The following AP1G1 variants were observed in gnomAD, a reference collection of about 807,000 sequenced individuals.
AP1G1 encodes adaptor related protein complex 1 subunit gamma 1, also known as AP-1 complex subunit gamma-1.
In AP1G1, 7 loss-of-function variants were observed where a neutral mutation model predicts 108.3. The ratio of observed to expected loss-of-function variants is 0.06; its 90% CI spans 0.04 to 0.12. AP1G1 has a LOEUF of 0.12. AP1G1 is among the 10% of genes least tolerant of loss of function. The pLI is 1.00. For missense variants in AP1G1, 756 were observed against 1,010.7 expected (o/e 0.75, Z 3.42); for synonymous variants, 379 against 353.5 (o/e 1.07, Z -0.81).
chr16:71,794,584 T>C (rs1388863053), intron 1 of AP1G1, among the ~76,000 whole-genome samples: 1 of 152,076 alleles, frequency 6.6e-6, no homozygotes, highest in African/African-American at 2.4e-5. Flanking sequence ...CTATCCAAAA[T>C]GGTTAAGCAA....
chr16:71,774,829 T>G (rs192482690), intron 2 of AP1G1, among the ~76,000 whole-genome samples: 1 of 152,014 alleles, frequency 6.6e-6, no homozygotes, highest in Admixed American at 6.6e-5. Context: ...CAAGCCATTC[T>G]CCTGCCTCAG....
At chr16:71,756,208 T>C (rs1436296979) in intron 11 of AP1G1, 49 bp from the exon 12 acceptor site, 3 of 1,567,564 alleles carry the variant, frequency 1.9e-6, no homozygotes, top group Non-Finnish European at 2.6e-6. Flanking sequence ...ATAGTGGAAA[T>C]GAAACAAAGA....
At chr16:71,739,746 C>CAAAAAAAAAAAAA in intron 19 of AP1G1, among the ~76,000 whole-genome samples, 1 of 51,884 alleles carries the variant, frequency 1.9e-5, no homozygotes, top group Non-Finnish European at 4.0e-5. Flanking sequence ...GACTCTGTCG[C>CAAAAAAAAAAAAA]AAAAAAAAAA....
intron 6 of AP1G1, among the ~76,000 whole-genome samples, chr16:71,769,186 G>A (rs1274961134): frequency 4.6e-5 from 7 of 151,594 alleles, no homozygotes; most frequent in Non-Finnish European, 8.8e-5. Flanking sequence ...GGAAGGCTGA[G>A]GCAGGAGAAT....
At chr16:71,789,567 C>A (rs1427164217) in intron 1 of AP1G1, 85 bp from the exon 2 acceptor site, 1 of 1,400,178 alleles carries the variant, frequency 7.1e-7, no homozygotes, top group Non-Finnish European at 9.9e-7. Context: ...AAATTTTTGA[C>A]TAGTTTTTAA....
intron 8 of AP1G1, 26 bp from the exon 9 acceptor site, chr16:71,764,474 C>T (rs766624642): frequency 6.8e-6 from 10 of 1,471,240 alleles, no homozygotes; most frequent in East Asian, 4.6e-5. Context: ...GAGGGCAGTA[C>T]ATAAGTGATA....
chr16:71,751,482 A>T (rs1456520579), intron 13 of AP1G1: 1 of 151,894 alleles, frequency 6.6e-6, no homozygotes, highest in Non-Finnish European at 1.5e-5. Flanking sequence ...AAAAAAAAAA[A>T]AAAACAGCCA....
At chr16:71,750,379 T>C (rs138162874) in intron 13 of AP1G1, 47 bp from the exon 14 acceptor site, 1 of 1,603,108 alleles carries the variant, frequency 6.2e-7, no homozygotes, top group East Asian at 2.2e-5. Context: ...ACAGAAATGA[T>C]GATAACAAGT....
intron 18 of AP1G1, 27 bp from the exon 19 acceptor site, chr16:71,745,297 CATT>C (rs1338130042): frequency 1.9e-6 from 3 of 1,613,284 alleles, no homozygotes; most frequent in Admixed American, 3.3e-5. Flanking sequence ...CACCTCAATT[CATT>C]ATTATTTGAT....
intron 6 of AP1G1, among the ~76,000 whole-genome samples, chr16:71,765,811 T>A (rs1225078775): frequency 6.6e-6 from 1 of 152,202 alleles, no homozygotes; most frequent in Non-Finnish European, 1.5e-5. Flanking sequence ...CAGACTTTTT[T>A]ATGCAAGAGT....
intron 11 of AP1G1, among the ~76,000 whole-genome samples, chr16:71,757,323 C>A (rs1314782788): frequency 6.6e-6 from 1 of 151,886 alleles, no homozygotes; most frequent in Non-Finnish European, 1.5e-5. Flanking sequence ...TGGTGGCAGG[C>A]GCCTGTAATC....
rs1401480365 is a variant in AP1G1 at position 71,730,641 on chromosome 16, A to C, written c.*2417T>G. The C allele has an allele frequency of 6.6e-6, 1 of 152,656 alleles. No homozygotes were observed. The allele number at this position is 152,656 out of a possible 1,614,324, so 9.5% of individuals were successfully genotyped here. On this transcript the variant is annotated 3_prime_UTR_variant, in exon 23 of 23. Transcript: ENST00000299980. ...CTAAGGCACGCTGAAGCTTTCAAAGATCCAATCATTTGAAACAGTCTTCAC... is the reference window on the plus strand; with the variant it reads ...CTAAGGCACGCTGAAGCTTTCAAAGCTCCAATCATTTGAAACAGTCTTCAC...
intron 11 of AP1G1, among the ~76,000 whole-genome samples, chr16:71,756,587 C>T (rs371985234): frequency 1.1e-4 from 17 of 152,258 alleles, no homozygotes; most frequent in Admixed American, 9.2e-4. Flanking sequence ...TTACACCCCA[C>T]TCTGTCCAAA....
At chr16:71,753,000 T>C (rs762569178) in intron 13 of AP1G1, among the ~76,000 whole-genome samples, 4 of 152,206 alleles carry the variant, frequency 2.6e-5, no homozygotes, top group Non-Finnish European at 4.4e-5. Context: ...CATAAGTTAA[T>C]GTTTTCCCCA....
intron 1 of AP1G1, among the ~76,000 whole-genome samples, chr16:71,795,243 T>C (rs1002371795): frequency 3.9e-5 from 6 of 152,148 alleles, no homozygotes; most frequent in Admixed American, 6.6e-5. Flanking sequence ...GTGGTCAGTC[T>C]TCCCCTAACA....
At chr16:71,780,623 CCTTTA>C (rs968570426) in intron 2 of AP1G1, among the ~76,000 whole-genome samples, 1 of 151,426 alleles carries the variant, frequency 6.6e-6, no homozygotes, top group African/African-American at 2.4e-5. Flanking sequence ...TTAAAAGTCA[CCTTTA>C]TTTATTTTAT....
chr16:71,762,840 CCTGA>C (rs35541237), intron 9 of AP1G1, among the ~76,000 whole-genome samples: 15,368 of 152,172 alleles, frequency 0.1, 944 homozygotes, highest in Non-Finnish European at 0.14. Context: ...TTGTGGGAAC[CCTGA>C]CTTACAACTG....
At chr16:71,735,460 G>A (rs111952399) in intron 21 of AP1G1, among the ~76,000 whole-genome samples, 4 of 152,076 alleles carry the variant, frequency 2.6e-5, no homozygotes, top group South Asian at 4.2e-4. Flanking sequence ...TCAGGAGTTC[G>A]AGACCAGCCT....
intron 1 of AP1G1, chr16:71,808,185 G>C: frequency 1.8e-6 from 2 of 1,081,748 alleles, no homozygotes; most frequent in East Asian, 7.9e-5. Flanking sequence ...TCGCAGGTAG[G>C]TTGAAAAAAA....
Sources: gnomAD v4.1 joint callset for allele counts (sites outside exome capture counted in the v4.1 genomes callset) on GRCh38, gnomAD v4.1.1 for gene constraint, MANE v1.5 for transcripts, NCBI Gene and HGNC (gene_info 2026-07-23, HGNC 2026-07-21) for gene names.